Variants in RASSF5 observed in about 807,000 individuals in gnomAD.
RASSF5 encodes ras association domain-containing protein 5.
RASSF5 carries 25 observed loss-of-function variants against 40.5 expected under a neutral mutation model. The ratio of observed to expected loss-of-function variants is 0.62; its 90% CI spans 0.45 to 0.86. The LOEUF is 0.86. RASSF5 is among the 40% of genes least tolerant of loss of function. The probability of loss-of-function intolerance (pLI) is 0.00; values close to 1 mark genes in which losing one functional copy is unlikely to be tolerated. For synonymous variants in RASSF5, 246 were observed against 252.4 expected, an observed-to-expected ratio of 0.97 and a Z score of 0.24; for missense variants, 521 against 572.8, an observed-to-expected ratio of 0.91 and a Z score of 0.92.
chr1:206,560,526 C>T lies in RASSF5; in HGVS notation c.579+22233C>T, dbSNP rs782250877. 1.1e-4 allele frequency among the ~76,000 whole-genome samples: 17 copies of T among 152,134 alleles called. No homozygotes were observed. Among genetic ancestry groups the T allele is most frequent in the Non-Finnish European group, 1.9e-4 (13 of 68,020 alleles). The stretch of plus-strand genomic sequence containing the variant: ...GCCACGTGCCTCCTTTGAGAGGGGC[C>T]GGGGACTTGGTTTTGAATCATACCA... On this transcript the variant is annotated intron_variant, in intron 2 of 5. Transcript: ENST00000579436. The surrounding 1 kb of genome is among the most constrained non-coding windows in gnomAD (Gnocchi z 5.1).
intron 2 of RASSF5, chr1:206,581,106 T>G (rs1668855941): frequency 1.3e-5 from 2 of 152,260 alleles, no homozygotes; most frequent in African/African-American, 4.8e-5. Flanking sequence ...CCTACTTAGC[T>G]TCTTACTAGC....
intron 2 of RASSF5, chr1:206,557,309 C>T: frequency 1.6e-6 from 2 of 1,249,548 alleles, no homozygotes; most frequent in Non-Finnish European, 2.0e-6. Flanking sequence ...AGGCGCGAGC[C>T]GGGCGCCCGG....
intron 2 of RASSF5, among the ~76,000 whole-genome samples, chr1:206,578,232 A>AGTGTGTG (rs1553405555): frequency 7.3e-4 from 95 of 130,518 alleles, no homozygotes; most frequent in Middle Eastern, 3.7e-3. Context: ...CAAAAAAAAA[A>AGTGTGTG]AGTGTGTGTG....
chr1:206,523,423 TTA>T (rs1666962612), intron 1 of RASSF5, among the ~76,000 whole-genome samples: 1 of 96,776 alleles, frequency 1.0e-5, no homozygotes, highest in African/African-American at 3.7e-5. Context: ...ATATTATATA[TTA>T]TATAATATAT....
intron 2 of RASSF5, among the ~76,000 whole-genome samples, chr1:206,540,015 A>G (rs770205070): frequency 7.9e-5 from 12 of 152,154 alleles, no homozygotes; most frequent in Non-Finnish European, 1.6e-4. Context: ...CCTTTAGAGC[A>G]GCAGGTCTCA....
At chr1:206,509,860 G>A (rs553599710) in intron 1 of RASSF5, among the ~76,000 whole-genome samples, 2 of 152,074 alleles carry the variant, frequency 1.3e-5, no homozygotes, top group East Asian at 1.9e-4. Flanking sequence ...TAAGTCATAC[G>A]TCGTTTCTAG....
At chr1:206,519,075 C>T (rs1666837083) in intron 1 of RASSF5, among the ~76,000 whole-genome samples, 2 of 152,110 alleles carry the variant, frequency 1.3e-5, no homozygotes, top group Middle Eastern at 3.4e-3. Flanking sequence ...GTCCCGGCCT[C>T]GGGAAGTGGC....
chr1:206,557,287 A>T (rs1289658242), intron 2 of RASSF5: 1 of 1,218,296 alleles, frequency 8.2e-7, no homozygotes, highest in African/African-American at 1.6e-5. Context: ...AGCCCGGACG[A>T]GTCAGGGAGT....
At chr1:206,567,139 G>A (rs1340268736) in intron 2 of RASSF5, among the ~76,000 whole-genome samples, 1 of 152,220 alleles carries the variant, frequency 6.6e-6, no homozygotes, top group Admixed American at 6.5e-5. Context: ...CACCCCAGCT[G>A]TGATTGTTCA....
chr1:206,556,389 A>G (rs1553401759), intron 2 of RASSF5, among the ~76,000 whole-genome samples: 1 of 152,248 alleles, frequency 6.6e-6, no homozygotes, highest in African/African-American at 2.4e-5. Context: ...TTGTTCAAAC[A>G]ATGGTAGCTA....
intron 2 of RASSF5, among the ~76,000 whole-genome samples, chr1:206,553,757 A>C (rs2103535705): frequency 6.6e-6 from 1 of 152,374 alleles, no homozygotes; most frequent in East Asian, 1.9e-4. Flanking sequence ...ACGGGGGCAT[A>C]GTCAGATGGA....
rs924184801 is a variant in RASSF5 at position 206,569,233 on chromosome 1, C to T, written c.580-14036C>T. On this transcript the variant is annotated intron_variant, in intron 2 of 5. Transcript: ENST00000579436. ...TGAAGACCCAAGCCCCAGTGGGGTA[C>T]AGAAGCCCATACACATCCTAAGGTT... Among the ~76,000 whole-genome samples the T allele has an allele frequency of 2.0e-5, 3 of 152,204 alleles. No homozygotes were observed. In the South Asian group the frequency reaches 6.2e-4, roughly 31 times the overall value.
In RASSF5 at chr1:206,507,588, C is replaced by T. The variant is rs1230770540; in HGVS notation, c.-15C>T. 4 of 1,485,856 alleles carry T rather than the reference C, an allele frequency of 2.7e-6. No homozygotes were observed. The highest frequency in any genetic ancestry group is 1.3e-5 in the South Asian group (1 of 79,438). 92.0% of individuals were successfully genotyped at this position (1,485,856 alleles called of 1,614,324 possible). A position where few individuals can be genotyped will look rare whatever the true frequency, so the allele number is the denominator to read the frequency against. ...CCAAAGCCGCCGCTGCCAAAGCTGC[C>T]GCCACTAGCCGGGCATGGCCATGGC... On this transcript the variant is annotated 5_prime_UTR_variant, in exon 1 of 6. Transcript: ENST00000579436.
intron 2 of RASSF5, among the ~76,000 whole-genome samples, chr1:206,554,260 T>C (rs1319070807): frequency 2.0e-5 from 3 of 152,164 alleles, no homozygotes; most frequent in African/African-American, 7.2e-5. Flanking sequence ...TTGCTCAAGA[T>C]ACCATATCAA....
chr1:206,508,142 G>A, intron 1 of RASSF5, 83 bp downstream of exon 1: 3 of 1,089,818 alleles, frequency 2.8e-6, no homozygotes, highest in Non-Finnish European at 3.6e-6. Flanking sequence ...GGCAGGGAGA[G>A]AGGGGCCATT....
intron 2 of RASSF5, chr1:206,544,939 C>G (rs992302353): frequency 1.3e-5 from 2 of 151,716 alleles, no homozygotes; most frequent in East Asian, 3.9e-4. Context: ...TGTCCCTCAG[C>G]CCAACAGCCA....
At chr1:206,571,703 G>A (rs1001307830) in intron 2 of RASSF5, among the ~76,000 whole-genome samples, 1 of 152,178 alleles carries the variant, frequency 6.6e-6, no homozygotes, top group African/African-American at 2.4e-5. Context: ...AGGGGCAGGA[G>A]GCCAATTCTG....
At position 206,535,852 on chromosome 1, in the gene RASSF5, C is replaced by T. The variant is rs1667379042; in HGVS notation, c.458-2320C>T. Among the ~76,000 whole-genome samples, 1 of 152,026 alleles carries T rather than the reference C, an allele frequency of 6.6e-6. No homozygotes were observed. The highest frequency in any genetic ancestry group is 1.5e-5 in the Non-Finnish European group (1 of 67,986). On this transcript the variant is annotated intron_variant, in intron 1 of 5. Coordinates refer to ENST00000579436, the MANE Select transcript of RASSF5 (RefSeq NM_182663.4). This position sits in a 1 kb window ranked among gnomAD's most constrained non-coding sequence, Gnocchi z 5.0. ...AAAAGAGGAGGAGAGAGAAATTCCT[C>T]CTCTCCCAGGTGCCTTCCCATTTGT...
intron 2 of RASSF5, among the ~76,000 whole-genome samples, chr1:206,563,768 A>T (rs1283283527): frequency 6.6e-6 from 1 of 152,216 alleles, no homozygotes; most frequent in Non-Finnish European, 1.5e-5. Flanking sequence ...AGAATGTGTC[A>T]CAGATTCCTA....
Sources: gnomAD v4.1 joint callset for allele counts (sites outside exome capture counted in the v4.1 genomes callset) on GRCh38, gnomAD v4.1.1 for gene constraint, Gnocchi (gnomAD v3.1) non-coding constraint, MANE v1.5 for transcripts, NCBI Gene and HGNC (gene_info 2026-07-23, HGNC 2026-07-21) for gene names.